Variants in GALNT13 observed in about 807,000 individuals in gnomAD.
The protein encoded by GALNT13 is UDP-GalNAc:polypeptide N-acetylgalactosaminyltransferase 13.
Under a neutral mutation model 64.2 loss-of-function variants are expected in GALNT13, and 28 were observed. That is an observed-to-expected ratio of 0.44 (90% CI 0.32 to 0.60). The LOEUF (loss-of-function observed/expected upper bound fraction) is 0.60, where lower values mean the gene tolerates loss of function less well. GALNT13 is among the 20% of genes least tolerant of loss of function. The probability of loss-of-function intolerance (pLI) is 0.05; values close to 1 mark genes in which losing one functional copy is unlikely to be tolerated. For missense variants in GALNT13, 577 were observed against 669.8 expected, an observed-to-expected ratio of 0.86 and a Z score of 1.53; for synonymous variants, 214 against 224.6, an observed-to-expected ratio of 0.95 and a Z score of 0.42.
intron 3 of GALNT13, among the ~76,000 whole-genome samples, chr2:154,076,037 C>T (rs535365733): frequency 1.3e-5 from 2 of 151,754 alleles, no homozygotes; most frequent in Admixed American, 1.3e-4. Context: ...ATCTCAGAGG[C>T]ATGCAACAAC....
chr2:154,445,819 C>T (rs1701538361), intron 12 of GALNT13: 6 of 1,288,432 alleles, frequency 4.7e-6, no homozygotes, highest in Non-Finnish European at 6.1e-6. Flanking sequence ...TAGTGTCTCC[C>T]AAGGGCAGGC....
the GALNT13 span, among the ~76,000 whole-genome samples, chr2:153,396,926 C>G: frequency 6.6e-6 from 1 of 152,072 alleles, no homozygotes; most frequent in Admixed American, 6.6e-5. Flanking sequence ...GCAAGTGATG[C>G]AAAGAAAGTT....
At chr2:154,277,217 A>G (rs1380026708) in intron 8 of GALNT13, among the ~76,000 whole-genome samples, 1 of 152,208 alleles carries the variant, frequency 6.6e-6, no homozygotes, top group Non-Finnish European at 1.5e-5. Flanking sequence ...TAAAAATTCA[A>G]CAAATTGAGC....
At chr2:153,188,952 T>A in the GALNT13 span, among the ~76,000 whole-genome samples, 8 of 152,316 alleles carry the variant, frequency 5.3e-5, no homozygotes, top group African/African-American at 1.9e-4. Context: ...CAAGCATTTA[T>A]CATTTCTATG....
chr2:153,087,363 A>AT, the GALNT13 span, among the ~76,000 whole-genome samples: 1 of 151,988 alleles, frequency 6.6e-6, no homozygotes, highest in Admixed American at 6.6e-5. Flanking sequence ...TTTTTGATAT[A>AT]CTGTTGGCGT....
At chr2:153,288,111 C>A in the GALNT13 span, among the ~76,000 whole-genome samples, 1 of 152,130 alleles carries the variant, frequency 6.6e-6, no homozygotes, top group Non-Finnish European at 1.5e-5. Context: ...CGTGTCTGAG[C>A]CCTTCTACTT....
At chr2:153,211,955 C>CT in the GALNT13 span, among the ~76,000 whole-genome samples, 2 of 152,112 alleles carry the variant, frequency 1.3e-5, no homozygotes, top group African/African-American at 4.8e-5. Flanking sequence ...CATGATTCCC[C>CT]TTTTTTAAAA....
At chr2:154,293,214 G>C (rs1185756071) in intron 8 of GALNT13, among the ~76,000 whole-genome samples, 2 of 152,128 alleles carry the variant, frequency 1.3e-5, no homozygotes, top group Non-Finnish European at 2.9e-5. Flanking sequence ...TTGTTCATGT[G>C]AATGAGACAT....
the GALNT13 span, among the ~76,000 whole-genome samples, chr2:153,417,760 C>T: frequency 8.6e-5 from 13 of 151,960 alleles, no homozygotes; most frequent in African/African-American, 1.2e-4. Context: ...ATTGGATATA[C>T]GAAGTAAGAT....
At chr2:153,712,953 C>T in the GALNT13 span, among the ~76,000 whole-genome samples, 1 of 152,142 alleles carries the variant, frequency 6.6e-6, no homozygotes, top group Admixed American at 6.6e-5. Flanking sequence ...GGATCTATTT[C>T]AGCCATTGTA....
chr2:153,675,797 A>G, the GALNT13 span, among the ~76,000 whole-genome samples: 1 of 152,186 alleles, frequency 6.6e-6, no homozygotes, highest in East Asian at 1.9e-4. Context: ...GGCAGAAATC[A>G]AGAAATTCTT....
Position 154,453,392 on chromosome 2 carries a change from C to CCAT in GALNT13, c.*2843_*2845dup, listed in dbSNP as rs543642648. On this transcript the variant is annotated 3_prime_UTR_variant, in exon 13 of 13. Transcript: ENST00000392825. Reference sequence around the variant, plus strand: ...CATGCAATTCTACCTTTTTCTAACACCATCTCTTATCTCTCATTATTCTGC... The same window carrying CCAT: ...CATGCAATTCTACCTTTTTCTAACACCATCATCTCTTATCTCTCATTATTCTGC... The CCAT allele has an allele frequency of 3.5e-4, 53 of 152,298 alleles. No homozygotes were observed. The highest frequency in any genetic ancestry group is 1.3e-3 in the African/African-American group (53 of 41,502). 9.4% of individuals were successfully genotyped at this position (152,298 alleles called of 1,614,324 possible). A position where few individuals can be genotyped will look rare whatever the true frequency, so the allele number is the denominator to read the frequency against.
the GALNT13 span, among the ~76,000 whole-genome samples, chr2:153,495,263 T>G: frequency 6.6e-6 from 1 of 152,092 alleles, no homozygotes; most frequent in Non-Finnish European, 1.5e-5. Flanking sequence ...GACATTCACC[T>G]ACTATAAGCA....
chr2:153,701,090 A>AC, the GALNT13 span, among the ~76,000 whole-genome samples: 1 of 152,198 alleles, frequency 6.6e-6, no homozygotes, highest in Non-Finnish European at 1.5e-5. Flanking sequence ...TCTCACTTCA[A>AC]CCTATACCTC....
chr2:153,570,650 G>T, the GALNT13 span, among the ~76,000 whole-genome samples: 1 of 152,078 alleles, frequency 6.6e-6, no homozygotes, highest in Admixed American at 6.5e-5. Flanking sequence ...TGAGAGATGG[G>T]GTCCTGTTTA....
chr2:153,597,110 A>G, the GALNT13 span, among the ~76,000 whole-genome samples: 5 of 152,110 alleles, frequency 3.3e-5, no homozygotes, highest in Non-Finnish European at 7.4e-5. Context: ...AAAGGTTTCT[A>G]GGCTTCTACT....
At chr2:154,256,228 G>A (rs921955027) in intron 7 of GALNT13, among the ~76,000 whole-genome samples, 1 of 151,284 alleles carries the variant, frequency 6.6e-6, no homozygotes, top group Admixed American at 6.6e-5. Flanking sequence ...GAAGTGAAAG[G>A]TAGATTCACC....
intron 2 of GALNT13, among the ~76,000 whole-genome samples, chr2:153,927,756 C>T (rs1690249306): frequency 6.6e-6 from 1 of 151,706 alleles, no homozygotes; most frequent in Admixed American, 6.6e-5. Context: ...ACAACTTTAC[C>T]AGGAAGTTTG....
At chr2:153,843,497 T>C in the GALNT13 span, among the ~76,000 whole-genome samples, 2 of 152,222 alleles carry the variant, frequency 1.3e-5, no homozygotes, top group African/African-American at 4.8e-5. Context: ...ACATGAGATT[T>C]AGACAGAGAC....
Sources: allele counts gnomAD v4.1 joint callset (sites outside exome capture counted in the v4.1 genomes callset), GRCh38; gene constraint gnomAD v4.1.1; transcripts MANE v1.5; gene names NCBI Gene and HGNC (gene_info 2026-07-23, HGNC 2026-07-21).